CFAP69: variants seen among roughly 807,000 people sequenced by gnomAD.
CFAP69 encodes cilia- and flagella-associated protein 69.
Under a neutral mutation model 123.0 loss-of-function variants are expected in CFAP69, and 92 were observed. That is an observed-to-expected ratio of 0.75 (90% CI 0.63 to 0.89). The LOEUF is 0.89. Ranked by LOEUF, CFAP69 falls within the 40% of genes least tolerant of loss-of-function variation. The probability of loss-of-function intolerance (pLI) is 0.00; values close to 1 mark genes in which losing one functional copy is unlikely to be tolerated. For missense variants in CFAP69, 1,067 were observed against 1,096.9 expected, an observed-to-expected ratio of 0.97 and a Z score of 0.39; for synonymous variants, 380 against 364.3, an observed-to-expected ratio of 1.04 and a Z score of -0.49.
Position 90,273,972 on chromosome 7 carries a change from G to T in CFAP69, c.861-15G>T. The T allele has an allele frequency of 6.4e-7, 1 of 1,555,690 alleles. No individual in the cohort carries two copies. Among genetic ancestry groups the T allele is most frequent in the South Asian group, 1.2e-5 (1 of 83,774 alleles). ...TATAACAATATAGTTTTTAAAATAT[G>T]ATTTTACTTTCTAGGGCTTTGAAGG... On this transcript the variant is annotated splice_polypyrimidine_tract_variant and intron_variant, in intron 8 of 22. Coordinates refer to ENST00000389297, the MANE Select transcript of CFAP69 (RefSeq NM_001039706.3).
chr7:90,253,088 A>G (rs1032379774), intron 1 of CFAP69, among the ~76,000 whole-genome samples: 2 of 152,224 alleles, frequency 1.3e-5, no homozygotes, highest in African/African-American at 4.8e-5. Flanking sequence ...TTTTGTTTGT[A>G]TCATCATTAC....
intron 2 of CFAP69, among the ~76,000 whole-genome samples, chr7:90,255,704 T>C (rs1364095445): frequency 6.6e-6 from 1 of 152,138 alleles, no homozygotes; most frequent in East Asian, 1.9e-4. Context: ...TTTTATGAGA[T>C]AGACAAACCC....
chr7:90,303,821 A>G, intron 17 of CFAP69, 148 bp from the exon 18 acceptor site: 1 of 1,214,576 alleles, frequency 8.2e-7, no homozygotes, highest in Non-Finnish European at 1.0e-6. Context: ...TTATTATTTC[A>G]AAAGTGTAAC....
chr7:90,248,281 C>A (rs1796564116), intron 1 of CFAP69, among the ~76,000 whole-genome samples: 1 of 152,136 alleles, frequency 6.6e-6, no homozygotes, highest in South Asian at 2.1e-4. Context: ...TTACCCTAAC[C>A]TTAGTTTTTA....
At chr7:90,315,464 G>A (rs1169935990), downstream of CFAP69, among the ~76,000 whole-genome samples, 1 of 152,198 alleles carries the variant, frequency 6.6e-6, no homozygotes, top group Non-Finnish European at 1.5e-5. Flanking sequence ...AACATGGATG[G>A]AGGTGGAGGC....
intron 6 of CFAP69, among the ~76,000 whole-genome samples, chr7:90,271,197 T>C (rs1275341067): frequency 1.3e-5 from 2 of 152,106 alleles, no homozygotes; most frequent in East Asian, 3.9e-4. Flanking sequence ...AAACTCTGGG[T>C]CCCAGGTCAA....
rs186499470 is a variant in CFAP69 at position 90,273,865 on chromosome 7, C to T, written c.861-122C>T. On this transcript the variant is annotated intron_variant, in intron 8 of 22. Coordinates refer to ENST00000389297, the MANE Select transcript of CFAP69 (RefSeq NM_001039706.3). ...TCCATTCATGAGGGCTCATTACCTC[C>T]CTAAGGCCTCACTCCTAAAACCATC... is the stretch of plus-strand genomic sequence containing the variant. 57 of 694,752 alleles carry T rather than the reference C, an allele frequency of 8.2e-5. No homozygotes were observed. In the African/African-American group the frequency reaches 1.0e-3, roughly 12 times the overall value. The allele number at this position is 694,752 out of a possible 1,614,324, so 43.0% of individuals were successfully genotyped here. A position where few individuals can be genotyped will look rare whatever the true frequency, so the allele number is the denominator to read the frequency against.
intron 12 of CFAP69, among the ~76,000 whole-genome samples, chr7:90,282,031 A>C (rs1268958549): frequency 6.6e-6 from 1 of 152,168 alleles, no homozygotes; most frequent in Non-Finnish European, 1.5e-5. Context: ...AATTAACAGC[A>C]ATAAACTACC....
At chr7:90,271,450 A>G in intron 6 of CFAP69, 76 bp from the exon 7 acceptor site, 1 of 1,439,482 alleles carries the variant, frequency 6.9e-7, no homozygotes, top group South Asian at 1.4e-5. Flanking sequence ...TTGCTTAATA[A>G]TAAATTACTC....
chr7:90,310,015 T>A, intron 22 of CFAP69, 53 bp from the exon 23 acceptor site: 2 of 1,451,152 alleles, frequency 1.4e-6, no homozygotes, highest in Non-Finnish European at 1.9e-6. Flanking sequence ...AGTTTTTCTC[T>A]TGTTGAAAAT....
At chr7:90,263,275 T>C (rs1227421268) in intron 4 of CFAP69, among the ~76,000 whole-genome samples, 1 of 152,164 alleles carries the variant, frequency 6.6e-6, no homozygotes, top group African/African-American at 2.4e-5. Context: ...TTTTCTACTT[T>C]TCTAATTTCA....
rs373621967 is a variant in CFAP69, at chr7:90,286,229, A to G, written c.1538-52A>G. ...GAGATTTCCAAACAGTAATTGATCA[A>G]AATAAAAGTAGTGTCCAATAACTAT... On this transcript the variant is annotated intron_variant, in intron 13 of 22. Coordinates refer to ENST00000389297, the MANE Select transcript of CFAP69 (RefSeq NM_001039706.3). The G allele has an allele frequency of 1.0e-5, 15 of 1,457,066 alleles. 1 individual carries two copies. Among genetic ancestry groups the G allele is most frequent in the African/African-American group, 5.7e-5 (4 of 69,726 alleles). 90.3% of individuals were successfully genotyped at this position (1,457,066 alleles called of 1,614,324 possible).
chr7:90,259,288 A>G lies in CFAP69; in HGVS notation c.246+1125A>G, dbSNP rs1346156928. ...GCCAGGTGTGGTGGTGTGTGCCCAT[A>G]TTCCTAGCTACTGGGAAGGCTAAGA... On this transcript the variant is annotated intron_variant, in intron 3 of 22. Coordinates refer to ENST00000389297, the MANE Select transcript of CFAP69 (RefSeq NM_001039706.3). Among the ~76,000 whole-genome samples the G allele has an allele frequency of 3.3e-5, 5 of 152,202 alleles. No homozygotes were observed. In the East Asian group the frequency reaches 9.7e-4, roughly 29 times the overall value.
intron 1 of CFAP69, among the ~76,000 whole-genome samples, chr7:90,249,847 C>A (rs1385023216): frequency 6.6e-6 from 1 of 152,114 alleles, no homozygotes; most frequent in African/African-American, 2.4e-5. Flanking sequence ...GACCTCATTT[C>A]CCACTTTGAA....
At chr7:90,290,116 C>G (rs1790907075) in intron 15 of CFAP69, among the ~76,000 whole-genome samples, 1 of 151,926 alleles carries the variant, frequency 6.6e-6, no homozygotes, top group Non-Finnish European at 1.5e-5. Context: ...TTATATTAGT[C>G]AAGATTCCCT....
intron 15 of CFAP69, among the ~76,000 whole-genome samples, chr7:90,288,929 G>C (rs1790696295): frequency 2.0e-5 from 3 of 148,752 alleles, no homozygotes. Flanking sequence ...TATGTTTTTG[G>C]CTCTTTTGTA....
chr7:90,288,140 G>A, intron 14 of CFAP69, 94 bp from the exon 15 acceptor site: 8 of 908,158 alleles, frequency 8.8e-6, no homozygotes, highest in Non-Finnish European at 1.2e-5. Context: ...GTATTTCTCT[G>A]GTAAAAAAGC....
At chr7:90,312,615 T>C (rs1369220405), downstream of CFAP69, 1 of 152,162 alleles carries the variant, frequency 6.6e-6, no homozygotes, top group Non-Finnish European at 1.5e-5. Flanking sequence ...TCACCCAAGT[T>C]TGCATATTAT....
intron 13 of CFAP69, among the ~76,000 whole-genome samples, chr7:90,285,069 G>A (rs1342622334): frequency 1.3e-5 from 2 of 152,150 alleles, no homozygotes; most frequent in African/African-American, 4.8e-5. Context: ...CAGGCAGCAG[G>A]GAAAGTTTCT....
Sources: gnomAD v4.1 joint callset for allele counts (sites outside exome capture counted in the v4.1 genomes callset) on GRCh38, gnomAD v4.1.1 for gene constraint, MANE v1.5 for transcripts, NCBI Gene and HGNC (gene_info 2026-07-23, HGNC 2026-07-21) for gene names.